Variants in TPCN2 observed in about 807,000 individuals in gnomAD.
TPCN2 encodes two pore channel protein 2.
TPCN2 carries 92 observed loss-of-function variants against 111.4 expected under a neutral mutation model. The ratio of observed to expected loss-of-function variants is 0.83; its 90% CI spans 0.70 to 0.98. The LOEUF (loss-of-function observed/expected upper bound fraction) is 0.98, where lower values mean the gene tolerates loss of function less well. TPCN2 is among the 50% of genes least tolerant of loss of function. The probability of loss-of-function intolerance (pLI) is 0.00; values close to 1 mark genes in which losing one functional copy is unlikely to be tolerated. For synonymous variants in TPCN2, 405 were observed against 414.5 expected (o/e 0.98, Z 0.28); for missense variants, 995 against 980.1 (o/e 1.02, Z -0.20).
At chr11:69,076,991 GCCC>G (rs1179453380) in intron 13 of TPCN2, among the ~76,000 whole-genome samples, 2 of 88,068 alleles carry the variant, frequency 2.3e-5, no homozygotes, top group Admixed American at 1.2e-4. Flanking sequence ...CCCTCCACCT[GCCC>G]TCCTGCCACG....
intron 18 of TPCN2, among the ~76,000 whole-genome samples, chr11:69,083,658 GGTGA>G (rs1263426849): frequency 6.6e-6 from 1 of 152,160 alleles, no homozygotes; most frequent in African/African-American, 2.4e-5. Context: ...TGCGGGAGTG[GGTGA>G]GTGAGTGCGT....
intron 18 of TPCN2, among the ~76,000 whole-genome samples, chr11:69,082,418 C>T (rs1321806930): frequency 2.0e-5 from 3 of 152,290 alleles, no homozygotes; most frequent in African/African-American, 2.4e-5. Flanking sequence ...CACATACACA[C>T]GTACATTAAT....
chr11:69,076,479 C>A (rs1251583926), intron 13 of TPCN2, among the ~76,000 whole-genome samples: 2 of 152,040 alleles, frequency 1.3e-5, no homozygotes, highest in East Asian at 3.9e-4. Flanking sequence ...AGAGCGTGTC[C>A]AGATGTGCTT....
intron 6 of TPCN2, 75 bp from the exon 7 acceptor site, chr11:69,063,820 C>T (rs1855132697): frequency 1.8e-5 from 26 of 1,448,690 alleles, no homozygotes; most frequent in Middle Eastern, 2.0e-4. Flanking sequence ...CTCCTGTCAC[C>T]GAGCCCTGCA....
chr11:69,089,053 T>C lies in TPCN2; in HGVS notation c.*1100T>C, dbSNP rs1856372819. The C allele has an allele frequency of 6.6e-6, 1 of 152,292 alleles. No individual in the cohort carries two copies. The highest frequency in any genetic ancestry group is 6.5e-5 in the Admixed American group (1 of 15,286). The allele number at this position is 152,292 out of a possible 1,614,324, so 9.4% of individuals were successfully genotyped here. On this transcript the variant is annotated 3_prime_UTR_variant, in exon 25 of 25. Transcript: ENST00000294309. ...GGCCCTGCCAGGGTTGCCCCTGCAC[T>C]GTGCATTCTCGCCTGGGAGGCACAA...
At position 69,078,732 on chromosome 11, in the gene TPCN2, A is replaced by G. The variant is rs1414753765; in HGVS notation, c.1351-2A>G. 1.9e-6 allele frequency: 3 copies of G among 1,613,742 alleles called. No individual in the cohort carries two copies. The highest frequency in any genetic ancestry group is 2.7e-5 in the African/African-American group (2 of 74,920). On this transcript the variant is annotated splice_acceptor_variant, in intron 14 of 24. Transcript: ENST00000294309. LOFTEE classifies it high-confidence loss of function. ...GGCGAGCCCTCTGTTCTGGCGTTGC[A>G]GGTGTTCCTGGTGCTGGATGCAGAT...
chr11:69,082,314 A>G lies in TPCN2; in HGVS notation c.1689+815A>G, dbSNP rs556387201. Among the ~76,000 whole-genome samples the G allele has an allele frequency of 1.9e-4, 29 of 152,376 alleles. No individual in the cohort carries two copies. In the South Asian group the frequency reaches 3.5e-3, roughly 18 times the overall value. On this transcript the variant is annotated intron_variant, in intron 18 of 24. Transcript: ENST00000294309. ...CTCACACACAACCACACATGTGACCATGCACATGCATATACACACACAATC... is the reference window on the plus strand; with the variant it reads ...CTCACACACAACCACACATGTGACCGTGCACATGCATATACACACACAATC...
chr11:69,087,060 G>A, intron 23 of TPCN2, 52 bp from the exon 24 acceptor site: 1 of 1,531,656 alleles, frequency 6.5e-7, no homozygotes, highest in Non-Finnish European at 9.0e-7. Flanking sequence ...GATGGGGCAA[G>A]GCTGCTTTCA....
chr11:69,062,895 C>T lies in TPCN2; in HGVS notation c.558C>T (p.Ile186=). 1 of 1,613,970 alleles carries T rather than the reference C, an allele frequency of 6.2e-7. No individual in the cohort carries two copies. Among genetic ancestry groups the T allele is most frequent in the South Asian group, 1.1e-5 (1 of 91,078 alleles). ...LSLVCHEPLR[I]RRLLRPFFLL... ...TGGGTCTCTTCCAGCCCCTGCGGAT[C>T]CGCCGGCTTCTCCGTCCCTTCTTCC... Residue 186 remains isoleucine, a synonymous_variant, in exon 6 of 25, where the codon ATC becomes ATT. Coordinates refer to ENST00000294309, the MANE Select transcript of TPCN2 (RefSeq NM_139075.4).
rs1171704760 is a variant in TPCN2, at chr11:69,070,461, C to T, written c.861C>T (p.Ala287=). 6.2e-7 allele frequency: 1 copy of T among 1,611,362 alleles called. No homozygotes were observed. The highest frequency in any genetic ancestry group is 1.7e-5 in the Admixed American group (1 of 59,552). ...TTCCTGCGTATTCCAAGAACCGGGC[C>T]TATGCCATCTTCTTCATAGTCTTCA... ...VMIPAYSKNR[A]YAIFFIVFTV... is the part of the protein sequence containing the mutation. The change falls in exon 9 of 25, where the codon GCC becomes GCT. Residue 287 remains alanine (A), a synonymous_variant. Transcript: ENST00000294309.
chr11:69,083,887 T>A, intron 18 of TPCN2, 58 bp from the exon 19 acceptor site: 1 of 1,533,296 alleles, frequency 6.5e-7, no homozygotes, highest in Non-Finnish European at 9.0e-7. Context: ...TGGGCCGGGA[T>A]GGTGTCCCCT....
intron 5 of TPCN2, among the ~76,000 whole-genome samples, chr11:69,061,750 C>T (rs1467335484): frequency 1.3e-5 from 2 of 151,982 alleles, no homozygotes; most frequent in South Asian, 2.1e-4. Context: ...GGCAGGGAAA[C>T]GTGGCATGAT....
At chr11:69,055,934 T>G (rs889636777) in intron 4 of TPCN2, among the ~76,000 whole-genome samples, 2 of 152,152 alleles carry the variant, frequency 1.3e-5, no homozygotes, top group African/African-American at 4.8e-5. Flanking sequence ...AGGGGTTTCT[T>G]ATGCACACAG....
chr11:69,085,054 G>C (rs535237249), intron 19 of TPCN2, among the ~76,000 whole-genome samples, 156 bp from the exon 20 acceptor site: 1 of 152,166 alleles, frequency 6.6e-6, no homozygotes, highest in African/African-American at 2.4e-5. Context: ...GGCCAGCTGC[G>C]TGTGTTTTGA....
intron 1 of TPCN2, among the ~76,000 whole-genome samples, chr11:69,051,800 AG>A (rs374196675): frequency 6.6e-4 from 100 of 152,344 alleles, no homozygotes; most frequent in African/African-American, 2.0e-3. Context: ...CAGAAGCAGC[AG>A]CCTGAGTAAA....
At chr11:69,070,694 C>T (rs1249053085) in intron 9 of TPCN2, among the ~76,000 whole-genome samples, 199 bp downstream of exon 9, 1 of 146,332 alleles carries the variant, frequency 6.8e-6, no homozygotes, top group Non-Finnish European at 1.5e-5. Context: ...CCCCACCCCA[C>T]GGCTTCACCC....
rs1856396763 is a variant in TPCN2, at chr11:69,090,402, C to T, written c.*2449C>T. On this transcript the variant is annotated 3_prime_UTR_variant, in exon 25 of 25. Coordinates refer to ENST00000294309, the MANE Select transcript of TPCN2 (RefSeq NM_139075.4). ...CCACTCCCCACAGAGATGCCCTGCTCATCCGACTGGGGCTTTGACTCCCAC... is the reference window on the plus strand; with the variant it reads ...CCACTCCCCACAGAGATGCCCTGCTTATCCGACTGGGGCTTTGACTCCCAC... 6.6e-6 allele frequency: 1 copy of T among 152,246 alleles called. No homozygotes were observed. Among genetic ancestry groups the T allele is most frequent in the African/African-American group, 2.4e-5 (1 of 41,432 alleles). 9.4% of individuals were successfully genotyped at this position (152,246 alleles called of 1,614,324 possible). A position where few individuals can be genotyped will look rare whatever the true frequency, so the allele number is the denominator to read the frequency against.
At chr11:69,068,063 T>G (rs1237907404) in intron 8 of TPCN2, among the ~76,000 whole-genome samples, 1 of 151,682 alleles carries the variant, frequency 6.6e-6, no homozygotes, top group Non-Finnish European at 1.5e-5. Flanking sequence ...CAGCAGCATG[T>G]GAGGGCCAAG....
intron 13 of TPCN2, among the ~76,000 whole-genome samples, chr11:69,076,916 G>A (rs1262250195): frequency 9.0e-6 from 1 of 111,636 alleles, no homozygotes. Flanking sequence ...CCCTCCACTT[G>A]CCCTCCTGCC....
Sources: allele counts gnomAD v4.1 joint callset (sites outside exome capture counted in the v4.1 genomes callset), GRCh38; gene constraint gnomAD v4.1.1; transcripts MANE v1.5; gene names NCBI Gene and HGNC (gene_info 2026-07-23, HGNC 2026-07-21).